CYTIP: variants seen among roughly 807,000 people sequenced by gnomAD.
The protein encoded by CYTIP is cytohesin 1 interacting protein.
CYTIP carries 26 observed loss-of-function variants against 43.8 expected under a neutral mutation model. The ratio of observed to expected loss-of-function variants is 0.59; its 90% CI spans 0.44 to 0.82. CYTIP has a LOEUF of 0.82. Among genes scored for constraint, CYTIP ranks in the 40% least tolerant of loss-of-function variants. The probability of loss-of-function intolerance (pLI) is 0.00; values close to 1 mark genes in which losing one functional copy is unlikely to be tolerated. For synonymous variants in CYTIP, 162 were observed against 162.9 expected (o/e 0.99, Z 0.04); for missense variants, 426 against 443.1 (o/e 0.96, Z 0.35).
At chr2:157,427,522 A>G (rs1685632485) in intron 5 of CYTIP, 102 bp from the exon 6 acceptor site, 4 of 751,364 alleles carry the variant, frequency 5.3e-6, no homozygotes, top group South Asian at 2.5e-5. Context: ...CTTTGAGCAC[A>G]TACTATACTA....
At chr2:157,431,368 G>T (rs908081693) in intron 3 of CYTIP, among the ~76,000 whole-genome samples, 1 of 152,204 alleles carries the variant, frequency 6.6e-6, no homozygotes, top group Non-Finnish European at 1.5e-5. Flanking sequence ...GTATGAAATT[G>T]TACACATGCA....
chr2:157,435,058 T>C (rs1436109897), intron 1 of CYTIP, among the ~76,000 whole-genome samples: 1 of 152,032 alleles, frequency 6.6e-6, no homozygotes, highest in Non-Finnish European at 1.5e-5. Context: ...TAGATAGTAA[T>C]ACAATGTGGC....
At position 157,430,934 on chromosome 2, in the gene CYTIP, C is replaced by T. The variant is rs775403700; in HGVS notation, c.308G>A (p.Cys103Tyr). 1 of 1,613,748 alleles carries T rather than the reference C, an allele frequency of 6.2e-7. No homozygotes were observed. Among genetic ancestry groups the T allele is most frequent in the Middle Eastern group, 1.6e-4 (1 of 6,062 alleles). The change falls in exon 4 of 8, where the codon TGC becomes TAC. Residue 103 changes from cysteine (C) to tyrosine (Y), a missense_variant. Coordinates refer to ENST00000264192, the MANE Select transcript of CYTIP (RefSeq NM_004288.5). ...TATCAAAGTGAACATTTCCGAGGAG[C>T]AGGCATTCTGATTCTGGGGCCTGTA... ...QSYRPQNQNA[C>Y]SSEMFTLICK...
intron 5 of CYTIP, among the ~76,000 whole-genome samples, chr2:157,429,789 G>A (rs155612): frequency 0.78 from 118,181 of 151,854 alleles, 47,734 homozygotes; most frequent in Middle Eastern, 0.91. Context: ...TTTGGGAGGC[G>A]GAGGCGGGTG....
At chr2:157,418,423 A>G in intron 7 of CYTIP, 100 bp downstream of exon 7, 1 of 1,256,190 alleles carries the variant, frequency 8.0e-7, no homozygotes, top group East Asian at 2.4e-5. Context: ...AGCACTAGAC[A>G]AATTTTTCTT....
intron 6 of CYTIP, among the ~76,000 whole-genome samples, chr2:157,423,748 A>G (rs1167579014): frequency 6.6e-6 from 1 of 152,120 alleles, no homozygotes; most frequent in Admixed American, 6.5e-5. Flanking sequence ...ATATTAGCAA[A>G]TCGAACCTGT....
chr2:157,422,670 CAAAA>C lies in CYTIP; in HGVS notation c.547-4085_547-4082del, dbSNP rs967207257. ...GGGTGACAAGGGCGAAACTCTGTCT[CAAAA>C]AAAAAAAAAAAAAGAAAAGTGTCCA... On this transcript the variant is annotated intron_variant, in intron 6 of 7. Coordinates refer to ENST00000264192, the MANE Select transcript of CYTIP (RefSeq NM_004288.5). Among the ~76,000 whole-genome samples, 204 of 64,538 alleles carry C rather than the reference CAAAA, an allele frequency of 3.2e-3. 1 individual carries two copies. The East Asian group carries it at 0.063, about 20-fold the overall frequency. The allele number at this position is 64,538 out of a possible 152,430, so 42.3% of individuals were successfully genotyped here.
At chr2:157,443,061 T>A (rs1685942578) in intron 1 of CYTIP, among the ~76,000 whole-genome samples, 1 of 152,186 alleles carries the variant, frequency 6.6e-6, no homozygotes, top group Admixed American at 6.5e-5. Context: ...TAGACATAGA[T>A]TTTTCCAAAT....
intron 6 of CYTIP, among the ~76,000 whole-genome samples, chr2:157,419,673 G>A (rs1685490682): frequency 6.6e-6 from 1 of 152,220 alleles, no homozygotes; most frequent in South Asian, 2.1e-4. Context: ...AGGTTTGCCT[G>A]TGGACTCTTA....
In CYTIP at chr2:157,415,847, T is replaced by C. The variant is rs772184432; in HGVS notation, c.910A>G (p.Ser304Gly). Residue 304 changes from serine to glycine, a missense_variant, in exon 8 of 8, where the codon AGC (serine) becomes GGC (glycine). Coordinates refer to ENST00000264192, the MANE Select transcript of CYTIP (RefSeq NM_004288.5). The stretch of plus-strand genomic sequence containing the variant: ...GATCCGCTGCTGGTGTTACTGATGC[T>C]CCGGTTCCTCCTTGAAGATGACCTC... The part of the protein sequence containing the change: ...LRRSSSRRNR[S>G]ISNTSSGSMS... 1 of 1,614,196 alleles carries C rather than the reference T, an allele frequency of 6.2e-7. No homozygotes were observed. Among genetic ancestry groups the C allele is most frequent in the Non-Finnish European group, 8.5e-7 (1 of 1,180,026 alleles).
intron 1 of CYTIP, among the ~76,000 whole-genome samples, chr2:157,437,130 G>A (rs1355430347): frequency 2.0e-5 from 3 of 151,946 alleles, no homozygotes; most frequent in African/African-American, 7.3e-5. Context: ...AAAACATAGG[G>A]GAAAGGCTTT....
intron 6 of CYTIP, among the ~76,000 whole-genome samples, chr2:157,427,122 C>A (rs184974630): frequency 1.3e-5 from 2 of 152,308 alleles, no homozygotes. Flanking sequence ...TGTTGCCTTT[C>A]TGAGCCTCAT....
intron 6 of CYTIP, 26 bp downstream of exon 6, chr2:157,427,325 T>C (rs764048844): frequency 1.2e-5 from 19 of 1,577,762 alleles, no homozygotes; most frequent in Middle Eastern, 1.7e-4. Context: ...ATGAAAAATG[T>C]GCCTCACTGC....
In CYTIP at chr2:157,434,730, T is replaced by C. The variant is rs764397531; in HGVS notation, c.192A>G (p.Ser64=). The C allele has an allele frequency of 1.2e-6, 2 of 1,611,518 alleles. No individual in the cohort carries two copies. The highest frequency in any genetic ancestry group is 1.7e-4 in the Middle Eastern group (1 of 5,946). The change falls in exon 2 of 8, where the codon TCA becomes TCG. Residue 64 remains serine (S), a synonymous_variant. Coordinates refer to ENST00000264192, the MANE Select transcript of CYTIP (RefSeq NM_004288.5). ...RGRKQLALTR[S]SSLSDFSWSQ... is the part of the protein sequence containing the mutation. ...ACCAGGAAAAGTCACTTAAAGAACT[T>C]GATCTGGTCAAAGCAAGCTGAAAAA... is the stretch of plus-strand genomic sequence containing the variant.
intron 1 of CYTIP, among the ~76,000 whole-genome samples, chr2:157,441,393 T>C (rs1213287421): frequency 6.6e-6 from 1 of 152,178 alleles, no homozygotes; most frequent in Non-Finnish European, 1.5e-5. Flanking sequence ...ATCAGAACTA[T>C]CATGTACAAG....
At chr2:157,438,884 C>T (rs543705700) in intron 1 of CYTIP, 198 of 347,170 alleles carry the variant, frequency 5.7e-4, no homozygotes, top group African/African-American at 2.0e-3. Context: ...TTTAAATACC[C>T]TTTTAGTATG....
intron 6 of CYTIP, among the ~76,000 whole-genome samples, chr2:157,424,793 CTG>C (rs950613029): frequency 2.6e-5 from 4 of 152,170 alleles, no homozygotes; most frequent in African/African-American, 9.7e-5. Flanking sequence ...CCAAGAATAA[CTG>C]TGCCCAATGT....
At chr2:157,442,684 G>A (rs1685935284) in intron 1 of CYTIP, among the ~76,000 whole-genome samples, 1 of 152,236 alleles carries the variant, frequency 6.6e-6, no homozygotes, top group South Asian at 2.1e-4. Context: ...ACTTTAGATT[G>A]AGAACAATCA....
At chr2:157,438,598 C>T (rs902604562) in intron 1 of CYTIP, among the ~76,000 whole-genome samples, 3 of 152,136 alleles carry the variant, frequency 2.0e-5, no homozygotes, top group Admixed American at 1.3e-4. Flanking sequence ...TTACTCTGAT[C>T]TGATCACTGT....
Sources: allele counts gnomAD v4.1 joint callset (sites outside exome capture counted in the v4.1 genomes callset), GRCh38; gene constraint gnomAD v4.1.1; transcripts MANE v1.5; gene names NCBI Gene and HGNC (gene_info 2026-07-23, HGNC 2026-07-21).